Variants in METTL15 observed in about 807,000 individuals in gnomAD.
The protein encoded by METTL15 is 12S rRNA N(4)-cytidine methyltransferase METTL15.
In METTL15, 34 loss-of-function variants were observed where a neutral mutation model predicts 38.3. That is an observed-to-expected ratio of 0.89 (90% confidence interval 0.68 to 1.18). The LOEUF is 1.18. Among genes scored for constraint, METTL15 ranks in the 50% most tolerant of loss-of-function variants. The probability of loss-of-function intolerance (pLI) is 0.00; values close to 1 mark genes in which losing one functional copy is unlikely to be tolerated. For missense variants in METTL15, 438 were observed against 498.4 expected, an observed-to-expected ratio of 0.88 and a Z score of 1.15; for synonymous variants, 162 against 170.9, an observed-to-expected ratio of 0.95 and a Z score of 0.41.
intron 6 of METTL15, among the ~76,000 whole-genome samples, chr11:28,328,971 A>G (rs924651223): frequency 6.6e-6 from 1 of 152,054 alleles, no homozygotes; most frequent in African/African-American, 2.4e-5. Context: ...GATGAAGTCC[A>G]GTTTATCTAA....
At chr11:28,497,401 A>C (rs541869042) in intron 6 of METTL15, among the ~76,000 whole-genome samples, 5 of 152,352 alleles carry the variant, frequency 3.3e-5, no homozygotes, top group African/African-American at 1.2e-4. Flanking sequence ...AATGGGAAAG[A>C]ATGACATTCT....
chr11:28,364,892 G>T (rs868574912), intron 5 of METTL15, among the ~76,000 whole-genome samples: 7 of 152,284 alleles, frequency 4.6e-5, no homozygotes, highest in Middle Eastern at 3.4e-3. Flanking sequence ...ATGAAGGAAA[G>T]CTGGATTTTA....
At chr11:28,378,800 G>A (rs1461520228) in intron 5 of METTL15, among the ~76,000 whole-genome samples, 1 of 127,202 alleles carries the variant, frequency 7.9e-6, no homozygotes, top group African/African-American at 2.8e-5. Context: ...AATAGAATTA[G>A]TATAGTCTTC....
chr11:28,491,904 C>T (rs767087833), intron 6 of METTL15, among the ~76,000 whole-genome samples: 28 of 152,202 alleles, frequency 1.8e-4, no homozygotes, highest in Non-Finnish European at 2.6e-4. Context: ...TCCCTTTCCC[C>T]GATAATCTAC....
chr11:28,209,901 C>T (rs2133837714), intron 3 of METTL15, among the ~76,000 whole-genome samples: 1 of 152,008 alleles, frequency 6.6e-6, no homozygotes, highest in Middle Eastern at 3.4e-3. Flanking sequence ...TTAAATCTAG[C>T]CAGTAGACTT....
rs919586242 is a variant in METTL15 at position 28,122,369 on chromosome 11, G to A, written c.270+8765G>A. Among the ~76,000 whole-genome samples, 4 of 59,378 alleles carry A rather than the reference G, an allele frequency of 6.7e-5. No homozygotes were observed. The South Asian group carries it at 1.3e-3, about 19-fold the overall frequency. 39.0% of individuals were successfully genotyped at this position (59,378 alleles called of 152,430 possible). On this transcript the variant is annotated intron_variant, in intron 3 of 6. Transcript: ENST00000407364. ...TGTGTGTGTGTGTGTGTGTGTGTGT[G>A]TGTATATATATATATATATAGTCTT...
At chr11:28,110,947 A>G (rs931746883) in intron 2 of METTL15, among the ~76,000 whole-genome samples, 3 of 152,184 alleles carry the variant, frequency 2.0e-5, no homozygotes, top group African/African-American at 7.2e-5. Flanking sequence ...AGGGAACTTA[A>G]TCTTAAATCA....
chr11:28,257,411 C>G (rs1416883010), intron 4 of METTL15, among the ~76,000 whole-genome samples: 1 of 152,140 alleles, frequency 6.6e-6, no homozygotes, highest in Non-Finnish European at 1.5e-5. Context: ...CTTTCTCGTA[C>G]TTGAAAATTG....
chr11:28,444,985 C>T (rs921879411), intron 6 of METTL15, among the ~76,000 whole-genome samples: 22 of 152,114 alleles, frequency 1.4e-4, no homozygotes, highest in Admixed American at 1.4e-3. Flanking sequence ...GAGCTGGCTA[C>T]AGTCCTGGTC....
chr11:28,217,431 G>T lies in METTL15; in HGVS notation c.407+6233G>T, dbSNP rs571809915. ...GTTGTTTTTTTCTTGTAAATTTGTT[G>T]GAGTTCATTGTAGATTCTGGATATT... is the stretch of plus-strand genomic sequence containing the variant. On this transcript the variant is annotated intron_variant, in intron 4 of 6. Transcript: ENST00000407364. 2.9e-3 allele frequency among the ~76,000 whole-genome samples: 437 copies of T among 152,010 alleles called. 3 individuals carry two copies. Among genetic ancestry groups the T allele is most frequent in the African/African-American group, 8.9e-3 (368 of 41,482 alleles).
chr11:28,445,026 G>C (rs980533791), intron 6 of METTL15, among the ~76,000 whole-genome samples: 1 of 152,054 alleles, frequency 6.6e-6, no homozygotes, highest in Admixed American at 6.6e-5. Flanking sequence ...AGGGGAAGGG[G>C]CAAACATGAG....
At chr11:28,254,018 A>G (rs1000704109) in intron 4 of METTL15, among the ~76,000 whole-genome samples, 1 of 152,160 alleles carries the variant, frequency 6.6e-6, no homozygotes, top group African/African-American at 2.4e-5. Flanking sequence ...TTGCTGGATT[A>G]TATGGTAGCT....
chr11:28,122,716 C>T (rs921865080), intron 3 of METTL15, among the ~76,000 whole-genome samples: 2 of 151,188 alleles, frequency 1.3e-5, no homozygotes, highest in African/African-American at 2.4e-5. Flanking sequence ...GTTTTTCTAC[C>T]ACTGAATTAA....
At chr11:28,121,534 C>T (rs1487558943) in intron 3 of METTL15, among the ~76,000 whole-genome samples, 1 of 151,996 alleles carries the variant, frequency 6.6e-6, no homozygotes, top group Non-Finnish European at 1.5e-5. Flanking sequence ...TCCAACATAG[C>T]TATTAATGGT....
At chr11:28,336,153 CATGTATT>C (rs199910821), downstream of METTL15, among the ~76,000 whole-genome samples, 968 of 152,202 alleles carry the variant, frequency 6.4e-3, 14 homozygotes, top group African/African-American at 0.022. Flanking sequence ...ACTTCACTCC[CATGTATT>C]ATTTATTAAA....
intron 4 of METTL15, among the ~76,000 whole-genome samples, chr11:28,256,907 A>G (rs531556359): frequency 1.4e-4 from 21 of 152,140 alleles, no homozygotes; most frequent in Non-Finnish European, 1.0e-4. Flanking sequence ...TGTTTCCATT[A>G]TAATTTGTTT....
chr11:28,152,462 A>G (rs1293794660), intron 3 of METTL15, among the ~76,000 whole-genome samples: 1 of 152,056 alleles, frequency 6.6e-6, no homozygotes, highest in African/African-American at 2.4e-5. Context: ...GATGGTCACT[A>G]AATTTTGTTT....
At chr11:28,419,390 G>C (rs1483954912) in intron 5 of METTL15, among the ~76,000 whole-genome samples, 1 of 152,108 alleles carries the variant, frequency 6.6e-6, no homozygotes, top group Non-Finnish European at 1.5e-5. Flanking sequence ...TTTTGTCCAA[G>C]ACCACCAAGG....
intron 5 of METTL15, among the ~76,000 whole-genome samples, chr11:28,388,474 A>G (rs953608779): frequency 6.6e-6 from 1 of 152,168 alleles, no homozygotes; most frequent in Non-Finnish European, 1.5e-5. Context: ...ACAAAAGAAT[A>G]AAACAGTTAG....
Sources: allele counts gnomAD v4.1 joint callset (sites outside exome capture counted in the v4.1 genomes callset), GRCh38; gene constraint gnomAD v4.1.1; transcripts MANE v1.5; gene names NCBI Gene and HGNC (gene_info 2026-07-23, HGNC 2026-07-21).